The following KAZN variants were observed in gnomAD, a reference collection of about 807,000 sequenced individuals.
KAZN encodes kazrin, periplakin interacting protein, also known as kazrin.
Under a neutral mutation model 87.4 loss-of-function variants are expected in KAZN, and 40 were observed. The observed-to-expected ratio is 0.46, with a 90% CI of 0.36 to 0.60. The LOEUF (loss-of-function observed/expected upper bound fraction) is 0.60. Among genes scored for constraint, KAZN ranks in the 20% least tolerant of loss-of-function variants. The pLI is 0.00. For missense variants in KAZN, 898 were observed against 1,073.9 expected, an observed-to-expected ratio of 0.84 and a Z score of 2.29; for synonymous variants, 466 against 458.3, an observed-to-expected ratio of 1.02 and a Z score of -0.22.
At chr1:15,100,260 T>C (rs41269419) in intron 10 of KAZN, among the ~76,000 whole-genome samples, 472 of 152,180 alleles carry the variant, frequency 3.1e-3, no homozygotes, top group Non-Finnish European at 5.2e-3. Flanking sequence ...AGCAGGGTGG[T>C]CACGGGATGC....
intron 2 of KAZN, among the ~76,000 whole-genome samples, chr1:14,246,694 T>A (rs566099806): frequency 6.6e-6 from 1 of 152,380 alleles, no homozygotes; most frequent in East Asian, 1.9e-4. Context: ...CTGTTCTTTA[T>A]AGTTTTGCCT....
In KAZN at chr1:15,099,521, T is replaced by G. The variant is rs745814063; in HGVS notation, c.1548-2022T>G. On this transcript the variant is annotated intron_variant, in intron 10 of 14. Transcript: ENST00000376030. The surrounding 1 kb of genome is among the most constrained non-coding windows in gnomAD (Gnocchi z 5.4). ...AGGAGGGGTGAGCCCTGGGCAGGGT[T>G]GCAAGGGGCTGGCCGGGGAGGGGAA... Among the ~76,000 whole-genome samples, 3 of 151,856 alleles carry G rather than the reference T, an allele frequency of 2.0e-5. No individual in the cohort carries two copies. Among genetic ancestry groups the G allele is most frequent in the Non-Finnish European group, 4.4e-5 (3 of 67,948 alleles).
intron 1 of KAZN, among the ~76,000 whole-genome samples, chr1:14,791,162 C>T (rs1645662968): frequency 6.6e-6 from 1 of 152,220 alleles, no homozygotes; most frequent in African/African-American, 2.4e-5. Flanking sequence ...TCCTGTTCCT[C>T]TTTGAACTCT....
At chr1:15,027,960 C>T (rs1322813246) in intron 2 of KAZN, among the ~76,000 whole-genome samples, 6 of 152,212 alleles carry the variant, frequency 3.9e-5, no homozygotes. Flanking sequence ...CTGAATGTCA[C>T]CTCATTGTGT....
At chr1:14,167,285 G>A (rs748828872) in intron 1 of KAZN, among the ~76,000 whole-genome samples, 2 of 152,154 alleles carry the variant, frequency 1.3e-5, no homozygotes, top group Non-Finnish European at 2.9e-5. Flanking sequence ...ATTTCATTGT[G>A]TCTTGTTTTA....
intron 2 of KAZN, chr1:14,180,633 A>G: frequency 6.6e-7 from 1 of 1,511,944 alleles, no homozygotes; most frequent in Non-Finnish European, 8.9e-7. Context: ...GAGAAGGTGG[A>G]ATCTTTTTTT....
intron 2 of KAZN, among the ~76,000 whole-genome samples, chr1:14,247,991 C>T (rs145425749): frequency 1.3e-5 from 2 of 152,240 alleles, no homozygotes; most frequent in Admixed American, 6.5e-5. Context: ...CTAACGCAAT[C>T]GGTGCTTGTT....
At chr1:14,833,751 C>T (rs562768043) in intron 1 of KAZN, among the ~76,000 whole-genome samples, 147 of 152,174 alleles carry the variant, frequency 9.7e-4, no homozygotes, top group Middle Eastern at 3.4e-3. Context: ...TCTTGTTCCT[C>T]GTCCCGGAAC....
Position 14,960,718 on chromosome 1 carries a change from G to C in KAZN, c.261G>C (p.Glu87Asp). 6.3e-7 allele frequency: 1 copy of C among 1,582,124 alleles called. No homozygotes were observed. The change falls in exon 2 of 15, where the codon GAG becomes GAC. Residue 87 changes from glutamate to aspartate, a missense_variant. Glu to Asp is a conservative substitution (Grantham distance 45, BLOSUM62 2). This residue lies in a region of KAZN where 250 missense variants were observed against 263.0 expected (regional missense o/e 0.95). Transcript: ENST00000376030. ...LLREEVSRLQ[E>D]EVHLLRQMKE... is the part of the protein sequence containing the mutation. ...GGGAAGAAGTGTCGCGGCTCCAGGA[G>C]GAAGTTCACCTTCTCCGGCAGATGA... is the stretch of plus-strand genomic sequence containing the variant.
chr1:15,106,660 T>C (rs1641306405), intron 13 of KAZN, among the ~76,000 whole-genome samples: 1 of 152,136 alleles, frequency 6.6e-6, no homozygotes, highest in Admixed American at 6.5e-5. Flanking sequence ...GAAATGACTC[T>C]GTCCAGGCTC....
chr1:14,171,797 A>G (rs150377100), intron 1 of KAZN, among the ~76,000 whole-genome samples: 2,437 of 152,294 alleles, frequency 0.016, 41 homozygotes, highest in South Asian at 0.039. Flanking sequence ...GGACTCATCT[A>G]CATAAAAAGA....
At chr1:14,115,616 G>T (rs553265848) in intron 1 of KAZN, among the ~76,000 whole-genome samples, 2 of 152,320 alleles carry the variant, frequency 1.3e-5, no homozygotes, top group African/African-American at 4.8e-5. Flanking sequence ...TTTATCAGCA[G>T]CATGAAAATG....
intron 1 of KAZN, among the ~76,000 whole-genome samples, chr1:14,040,355 C>A (rs546976579): frequency 1.2e-4 from 18 of 152,242 alleles, no homozygotes; most frequent in African/African-American, 3.9e-4. Context: ...CTTCAGATCT[C>A]CCGTGTATGT....
intron 1 of KAZN, among the ~76,000 whole-genome samples, chr1:14,879,841 C>T (rs762846379): frequency 2.8e-4 from 43 of 152,010 alleles, no homozygotes; most frequent in Middle Eastern, 3.2e-3. Context: ...TCGAATGGTC[C>T]CCAAATATGA....
intron 1 of KAZN, among the ~76,000 whole-genome samples, chr1:14,171,859 A>T (rs957173967): frequency 3.3e-5 from 5 of 152,192 alleles, no homozygotes; most frequent in African/African-American, 1.2e-4. Flanking sequence ...TCTGATCCAT[A>T]AGACAGAAGC....
Position 14,856,916 on chromosome 1 carries a change from G to C in KAZN, c.227-103768G>C, listed in dbSNP as rs1166534013. ...CTTAATTAAGCAGAGGAAGCTAAAA[G>C]ATGCTTTGGAAACTATCTTCATCCA... On this transcript the variant is annotated intron_variant, in intron 1 of 14. Coordinates refer to ENST00000376030, the MANE Select transcript of KAZN (RefSeq NM_201628.3). This position sits in a 1 kb window ranked among gnomAD's most constrained non-coding sequence, Gnocchi z 5.2. 6.6e-6 allele frequency among the ~76,000 whole-genome samples: 1 copy of C among 152,162 alleles called. No individual in the cohort carries two copies. Among genetic ancestry groups the C allele is most frequent in the Non-Finnish European group, 1.5e-5 (1 of 68,026 alleles).
intron 3 of KAZN, among the ~76,000 whole-genome samples, chr1:15,036,201 C>T (rs964162872): frequency 3.3e-5 from 5 of 150,684 alleles, no homozygotes; most frequent in African/African-American, 1.2e-4. Flanking sequence ...CAGGGCCCGG[C>T]TCCCCCTACC....
At chr1:13,964,754 G>C (rs1641881561) in intron 1 of KAZN, among the ~76,000 whole-genome samples, 1 of 152,166 alleles carries the variant, frequency 6.6e-6, no homozygotes, top group Non-Finnish European at 1.5e-5. Flanking sequence ...GAAGGAAGGA[G>C]GTAAAAAGTT....
intron 1 of KAZN, among the ~76,000 whole-genome samples, chr1:14,036,121 A>G (rs1202446183): frequency 1.3e-5 from 2 of 152,224 alleles, no homozygotes; most frequent in Non-Finnish European, 2.9e-5. Flanking sequence ...CAGCACATGC[A>G]AAAGAGAGGA....
Sources: allele counts gnomAD v4.1 joint callset (sites outside exome capture counted in the v4.1 genomes callset), GRCh38; gene constraint gnomAD v4.1.1; regional missense constraint gnomAD v4.1.1; non-coding constraint Gnocchi (gnomAD v3.1); transcripts MANE v1.5; gene names NCBI Gene and HGNC (gene_info 2026-07-23, HGNC 2026-07-21).